Variants in DOCK1 observed in about 807,000 individuals in gnomAD.
The protein encoded by DOCK1 is dedicator of cytokinesis 1.
Under a neutral mutation model 262.7 loss-of-function variants are expected in DOCK1, and 138 were observed. That is an observed-to-expected ratio of 0.53 (90% CI 0.46 to 0.61). The LOEUF is 0.61. Among genes scored for constraint, DOCK1 ranks in the 20% least tolerant of loss-of-function variants. The pLI is 0.00. For missense variants in DOCK1, 1,908 were observed against 2,370.7 expected, an observed-to-expected ratio of 0.80 and a Z score of 4.05; for synonymous variants, 866 against 867.4, an observed-to-expected ratio of 1.00 and a Z score of 0.03.
chr10:127,156,273 G>A (rs962757941), intron 27 of DOCK1, among the ~76,000 whole-genome samples: 2 of 152,126 alleles, frequency 1.3e-5, no homozygotes, highest in Non-Finnish European at 2.9e-5. Flanking sequence ...GGAGCATACA[G>A]TCACACTTCA....
At chr10:127,376,927 C>G (rs969439223) in intron 35 of DOCK1, among the ~76,000 whole-genome samples, 1 of 152,220 alleles carries the variant, frequency 6.6e-6, no homozygotes, top group Non-Finnish European at 1.5e-5. Context: ...CCTACAATCA[C>G]GGTTTCTAAT....
chr10:127,251,834 A>G (rs1378424752), intron 28 of DOCK1, among the ~76,000 whole-genome samples: 6 of 145,768 alleles, frequency 4.1e-5, no homozygotes, highest in East Asian at 2.1e-4. Context: ...TAGTGCCACA[A>G]TAAACATACG....
At chr10:127,063,192 C>G (rs1339120297) in intron 23 of DOCK1, among the ~76,000 whole-genome samples, 1 of 152,220 alleles carries the variant, frequency 6.6e-6, no homozygotes, top group Non-Finnish European at 1.5e-5. Flanking sequence ...ATGGTAGACG[C>G]CTCTGTTCTT....
At position 127,042,689 on chromosome 10, in the gene DOCK1, T is replaced by A. The variant is rs2044097363; in HGVS notation, c.2075T>A (p.Phe692Tyr). Reference protein sequence around the residue: ...IMMENSESETFDTLVFDALVF... With the variant: ...IMMENSESETYDTLVFDALVF... ...ATGGAGAACTCAGAGAGTGAGACTT[T>A]TGACACGTTAGTCTTTGATGCTCTG... Residue 692 changes from phenylalanine (F) to tyrosine (Y), a missense_variant, in exon 20 of 52, where the codon TTT becomes TAT. Phe to Tyr is a conservative substitution (Grantham distance 22, BLOSUM62 3). Coordinates refer to ENST00000623213, the MANE Select transcript of DOCK1 (RefSeq NM_001290223.2). 1 of 1,614,052 alleles carries A rather than the reference T, an allele frequency of 6.2e-7. No individual in the cohort carries two copies. The highest frequency in any genetic ancestry group is 8.5e-7 in the Non-Finnish European group (1 of 1,180,022).
chr10:127,118,743 T>C (rs768495211), intron 25 of DOCK1, among the ~76,000 whole-genome samples: 5 of 152,192 alleles, frequency 3.3e-5, no homozygotes, highest in Non-Finnish European at 5.9e-5. Flanking sequence ...GTGGCCCTGT[T>C]CCAGTCAGAA....
intron 27 of DOCK1, among the ~76,000 whole-genome samples, chr10:127,198,815 A>C (rs1410825337): frequency 6.6e-6 from 1 of 151,802 alleles, no homozygotes; most frequent in Non-Finnish European, 1.5e-5. Flanking sequence ...CAGCATCACA[A>C]ATCAAAATAT....
At chr10:127,091,536 G>A (rs1390113999) in intron 23 of DOCK1, among the ~76,000 whole-genome samples, 1 of 152,192 alleles carries the variant, frequency 6.6e-6, no homozygotes, top group African/African-American at 2.4e-5. Flanking sequence ...TCTTCACTGG[G>A]GATCAAGGTC....
At chr10:127,249,527 C>G (rs538081202) in intron 28 of DOCK1, among the ~76,000 whole-genome samples, 4 of 152,084 alleles carry the variant, frequency 2.6e-5, no homozygotes, top group East Asian at 1.9e-4. Flanking sequence ...ATTGTGCAAG[C>G]CTCATAGTGT....
intron 24 of DOCK1, among the ~76,000 whole-genome samples, chr10:127,109,112 G>T (rs779630367): frequency 1.5e-4 from 23 of 152,090 alleles, no homozygotes; most frequent in Non-Finnish European, 2.4e-4. Context: ...ACTTGGTTTT[G>T]CATTTTCTTA....
At chr10:126,934,530 T>C (rs992152026) in intron 1 of DOCK1, among the ~76,000 whole-genome samples, 2,018 of 152,342 alleles carry the variant, frequency 0.013, 19 homozygotes, top group Middle Eastern at 0.054. Flanking sequence ...AGACGAGTTA[T>C]AACATTATCT....
chr10:126,927,507 G>T (rs2033838300), intron 1 of DOCK1, among the ~76,000 whole-genome samples: 1 of 152,034 alleles, frequency 6.6e-6, no homozygotes. Context: ...GGCCATCTCG[G>T]CTCACTGCAA....
At chr10:127,102,394 T>C (rs564293165) in intron 23 of DOCK1, among the ~76,000 whole-genome samples, 2 of 152,314 alleles carry the variant, frequency 1.3e-5, no homozygotes, top group African/African-American at 4.8e-5. Context: ...ACTTACGTCA[T>C]AGATGAGGCA....
Position 126,987,537 on chromosome 10 carries a change from A to G in DOCK1, c.244A>G (p.Ile82Val). 1 of 1,578,920 alleles carries G rather than the reference A, an allele frequency of 6.3e-7. No homozygotes were observed. Residue 82 changes from isoleucine (I) to valine (V), a missense_variant, in exon 5 of 52, where the codon ATC becomes GTC. Coordinates refer to ENST00000623213, the MANE Select transcript of DOCK1 (RefSeq NM_001290223.2). ...TCCTCCCAGGCAACATGAAACAGTC[A>G]TCCCGGGTGACCTCCCCCTCATCCA... ...VEGKGQHETV[I>V]PGDLPLIQEV...
At chr10:127,247,963 G>T in intron 27 of DOCK1, 45 bp from the exon 28 acceptor site, 1 of 1,586,342 alleles carries the variant, frequency 6.3e-7, no homozygotes, top group Non-Finnish European at 8.6e-7. Context: ...TTTCCCATGA[G>T]TGTTGCTCTG....
chr10:127,054,474 C>G (rs1434774491), intron 22 of DOCK1, among the ~76,000 whole-genome samples: 1 of 152,124 alleles, frequency 6.6e-6, no homozygotes, highest in Non-Finnish European at 1.5e-5. Flanking sequence ...TATGCATGAC[C>G]TTTGGTGTGG....
intron 33 of DOCK1, among the ~76,000 whole-genome samples, chr10:127,371,428 C>A (rs1490402052): frequency 6.6e-6 from 1 of 152,230 alleles, no homozygotes; most frequent in Non-Finnish European, 1.5e-5. Context: ...ACCTAGGTAG[C>A]TGTAGCTTCC....
intron 31 of DOCK1, among the ~76,000 whole-genome samples, chr10:127,347,376 G>C (rs2063680961): frequency 6.6e-6 from 1 of 152,234 alleles, no homozygotes. Context: ...GGTGACGGAG[G>C]GCCTTGGCAG....
chr10:127,317,591 A>G (rs1201872847), intron 29 of DOCK1, among the ~76,000 whole-genome samples: 2 of 152,180 alleles, frequency 1.3e-5, no homozygotes, highest in Non-Finnish European at 2.9e-5. Flanking sequence ...TCGAGTGCAC[A>G]TTCACCCATT....
Position 126,990,484 on chromosome 10 carries a change from G to A in DOCK1, c.354G>A (p.Val118=). The A allele has an allele frequency of 6.8e-6, 11 of 1,612,636 alleles. No individual in the cohort carries two copies. The highest frequency in any genetic ancestry group is 8.5e-6 in the Non-Finnish European group (10 of 1,179,378). ...ATAACAGGGAGATGTTTCGAAGTGT[G>A]CGGCACATGATCTATGACCTTATTG... The part of the protein sequence containing the change: ...VQDNREMFRS[V]RHMIYDLIEW... Residue 118 remains valine (V), a synonymous_variant, in exon 6 of 52, where the codon GTG becomes GTA. Transcript: ENST00000623213.
Sources: gnomAD v4.1 joint callset for allele counts (sites outside exome capture counted in the v4.1 genomes callset) on GRCh38, gnomAD v4.1.1 for gene constraint, MANE v1.5 for transcripts, NCBI Gene and HGNC (gene_info 2026-07-23, HGNC 2026-07-21) for gene names.